AKNA: variants seen among roughly 807,000 people sequenced by gnomAD.
AKNA encodes the protein microtubule organization protein AKNA.
A neutral mutation model predicts 138.8 loss-of-function variants in AKNA; 67 were observed. The observed-to-expected ratio is 0.48, with a 90% CI of 0.40 to 0.59. The LOEUF (loss-of-function observed/expected upper bound fraction) is 0.59, where lower values mean the gene tolerates loss of function less well. AKNA is among the 20% of genes least tolerant of loss of function. AKNA has a pLI of 0.00. For missense variants in AKNA, 1,813 were observed against 1,880.4 expected (o/e 0.96, Z 0.66); for synonymous variants, 737 against 754.4 (o/e 0.98, Z 0.38).
At chr9:114,389,232 G>A (rs1204606608), upstream of AKNA, among the ~76,000 whole-genome samples, 4 of 151,980 alleles carry the variant, frequency 2.6e-5, no homozygotes, top group Admixed American at 1.3e-4. Flanking sequence ...CGAGTCAAGC[G>A]GGAGAAGCAG....
chr9:114,331,713 A>C, downstream of AKNA: 1 of 1,593,478 alleles, frequency 6.3e-7, no homozygotes, highest in East Asian at 2.2e-5. Flanking sequence ...TGCCCCTCTC[A>C]GGCCTCACCC....
At chr9:114,333,703 C>G (rs1429289405), downstream of AKNA, among the ~76,000 whole-genome samples, 1 of 130,230 alleles carries the variant, frequency 7.7e-6, no homozygotes, top group Non-Finnish European at 1.6e-5. Context: ...CTCCTAATAG[C>G]AAGATTGTAA....
chr9:114,357,415 C>T (rs138327834), intron 12 of AKNA, among the ~76,000 whole-genome samples: 14 of 152,324 alleles, frequency 9.2e-5, no homozygotes, highest in African/African-American at 2.6e-4. Context: ...GTTTAACACA[C>T]GGCACAGAGA....
Position 114,346,802 on chromosome 9 carries a change from A to T in AKNA, c.3399-18T>A, listed in dbSNP as rs74571536. ...TGGATTTACTAGCAAAAGGAAAGAG[A>T]GATGATGTCATTGGATGAGGTTTTG... On this transcript the variant is annotated intron_variant, in intron 16 of 21. Transcript: ENST00000374088. The T allele has an allele frequency of 2.0e-3, 3,198 of 1,603,436 alleles. 60 individuals carry two copies. The African/African-American group carries it at 0.039, about 19-fold the overall frequency.
At position 114,334,469 on chromosome 9, in the gene AKNA, T is replaced by G. The variant is rs967637858; in HGVS notation, c.*2585A>C. The G allele has an allele frequency of 6.8e-6, 1 of 147,494 alleles. No individual in the cohort carries two copies. Among genetic ancestry groups the G allele is most frequent in the Non-Finnish European group, 1.4e-5 (1 of 70,612 alleles). 9.1% of individuals were successfully genotyped at this position (147,494 alleles called of 1,614,324 possible). A position where few individuals can be genotyped will look rare whatever the true frequency, so the allele number is the denominator to read the frequency against. On this transcript the variant is annotated 3_prime_UTR_variant, in exon 22 of 22. Coordinates refer to ENST00000374088, the MANE Select transcript of AKNA (RefSeq NM_001317950.2). ...GCTGGGTGTCTCCATGGATGTGTTCTTAGGGTGCTCACCTGGGAGACCCAG... is the reference window on the plus strand; with the variant it reads ...GCTGGGTGTCTCCATGGATGTGTTCGTAGGGTGCTCACCTGGGAGACCCAG...
upstream of AKNA, among the ~76,000 whole-genome samples, chr9:114,390,378 C>T (rs192563449): frequency 2.7e-5 from 4 of 150,616 alleles, no homozygotes; most frequent in Admixed American, 2.6e-4. Flanking sequence ...TTAGTTTGGC[C>T]CATCTTTCAC....
Position 114,367,713 on chromosome 9 carries a change from G to T in AKNA, c.1574-16C>A. ...GATGGCCACCCTGGAATACACAACT[G>T]CTGAAAGCTGGGGCCAAGAACAGTC... On this transcript the variant is annotated splice_polypyrimidine_tract_variant and intron_variant, in intron 5 of 21. Coordinates refer to ENST00000374088, the MANE Select transcript of AKNA (RefSeq NM_001317950.2). The T allele has an allele frequency of 6.5e-7, 1 of 1,538,080 alleles. No homozygotes were observed. The highest frequency in any genetic ancestry group is 1.4e-5 in the African/African-American group (1 of 72,314).
At chr9:114,349,448 C>A (rs1404175693) in intron 15 of AKNA, among the ~76,000 whole-genome samples, 1 of 152,148 alleles carries the variant, frequency 6.6e-6, no homozygotes, top group East Asian at 1.9e-4. Context: ...TTCCAAAATA[C>A]CTCTTCCCAA....
At chr9:114,376,274 C>T in intron 3 of AKNA, 192 bp downstream of exon 3, 2 of 608,496 alleles carry the variant, frequency 3.3e-6, no homozygotes, top group South Asian at 1.6e-5. Context: ...GGCTTCCCAC[C>T]CTAGCCAGCC....
In AKNA at chr9:114,364,461, C is replaced by T; in HGVS notation, c.1788+99G>A. ...TAAAAGAGACCCTGTGTCTGGGATT[C>T]TCTTTTCTGTCTTGCAGCAAAGAAG... On this transcript the variant is annotated intron_variant, in intron 7 of 21. Transcript: ENST00000374088. The T allele has an allele frequency of 2.3e-6, 3 of 1,277,788 alleles. No homozygotes were observed. In the East Asian group the frequency reaches 7.0e-5, roughly 30 times the overall value. The allele number at this position is 1,277,788 out of a possible 1,614,324, so 79.2% of individuals were successfully genotyped here.
At chr9:114,332,610 C>T (rs1168328552), downstream of AKNA, among the ~76,000 whole-genome samples, 1 of 152,014 alleles carries the variant, frequency 6.6e-6, no homozygotes. Context: ...CTACCTCCTG[C>T]CCCATCCCCA....
chr9:114,369,666 TAGCATCACCATC>T (rs369004929), intron 4 of AKNA, among the ~76,000 whole-genome samples: 13,090 of 151,756 alleles, frequency 0.086, 1,879 homozygotes, highest in African/African-American at 0.3. Flanking sequence ...CTACCATCAT[TAGCATCACCATC>T]AGCATCACCA....
rs763199976 is a variant in AKNA at position 114,377,508 on chromosome 9, C to T, written c.299G>A (p.Ser100Asn). The T allele has an allele frequency of 4.4e-6, 7 of 1,607,406 alleles. No individual in the cohort carries two copies. The highest frequency in any genetic ancestry group is 1.1e-5 in the South Asian group (1 of 90,104). Residue 100 changes from serine to asparagine, a missense_variant, in exon 3 of 22, where the codon AGC becomes AAC. By Grantham distance (46) the Ser-to-Asn change is conservative. Transcript: ENST00000374088. ...GEEAEAEDVD[S>N]PASSHEPLAW... The stretch of plus-strand genomic sequence containing the variant: ...AAGAGGCTCATGGGAACTTGCTGGG[C>T]TGTCCACATCCTCTGCTTCAGCCTC...
intron 3 of AKNA, 66 bp from the exon 4 acceptor site, chr9:114,374,233 AC>A: frequency 1.4e-6 from 2 of 1,463,824 alleles, no homozygotes; most frequent in Non-Finnish European, 1.9e-6. Context: ...TTGCTGGGAG[AC>A]CCTGATAGCA....
intron 4 of AKNA, among the ~76,000 whole-genome samples, chr9:114,372,214 A>T (rs114503240): frequency 3.3e-5 from 5 of 152,090 alleles, no homozygotes; most frequent in African/African-American, 1.2e-4. Flanking sequence ...CCAAGCAATC[A>T]TTTTTCCAGA....
intron 4 of AKNA, among the ~76,000 whole-genome samples, chr9:114,369,290 G>C (rs528194821): frequency 1.4e-4 from 22 of 152,334 alleles, no homozygotes; most frequent in Admixed American, 1.4e-3. Context: ...AAGCAGAGTT[G>C]AGAGAACTAT....
chr9:114,359,914 T>C lies in AKNA; in HGVS notation c.2273A>G (p.Tyr758Cys), dbSNP rs1465322674. 1 of 1,614,188 alleles carries C rather than the reference T, an allele frequency of 6.2e-7. No individual in the cohort carries two copies. Among genetic ancestry groups the C allele is most frequent in the Admixed American group, 1.7e-5 (1 of 60,028 alleles). ...CACTCACCGCTCCATGAGGCCATGG[T>C]AAACTTGCTCCATCTGCAGCTCCTT... is the stretch of plus-strand genomic sequence containing the variant. ...RHKELQMEQVYHGLMERYLSV... is the reference protein window; with the variant it reads ...RHKELQMEQVCHGLMERYLSV... Residue 758 changes from tyrosine to cysteine, a missense_variant, in exon 10 of 22, where the codon TAC becomes TGC. Transcript: ENST00000374088.
rs762965662 is a variant in AKNA, at chr9:114,343,758, T to C, written c.3707A>G (p.Asn1236Ser). 6 of 1,614,166 alleles carry C rather than the reference T, an allele frequency of 3.7e-6. No individual in the cohort carries two copies. Among genetic ancestry groups the C allele is most frequent in the African/African-American group, 2.7e-5 (2 of 75,060 alleles). Residue 1236 changes from asparagine (N) to serine (S), a missense_variant, in exon 19 of 22, where the codon AAT becomes AGT. Coordinates refer to ENST00000374088, the MANE Select transcript of AKNA (RefSeq NM_001317950.2). ...GCAGTGGGGACAGGAGACTGTGCCA[T>C]TGCCTTTTGGGACCGCCTTAGGGGA... The part of the protein sequence containing the change: ...VLSPKAVPKG[N>S]GTVSCPHCRP...
intron 12 of AKNA, among the ~76,000 whole-genome samples, chr9:114,357,450 C>T (rs747797986): frequency 3.9e-5 from 6 of 152,232 alleles, no homozygotes; most frequent in Admixed American, 1.3e-4. Flanking sequence ...ACACAGGTGC[C>T]TGCCCTCGCT....
Sources: gnomAD v4.1 joint callset for allele counts (sites outside exome capture counted in the v4.1 genomes callset) on GRCh38, gnomAD v4.1.1 for gene constraint, MANE v1.5 for transcripts, NCBI Gene and HGNC (gene_info 2026-07-23, HGNC 2026-07-21) for gene names.